IQSEC1: variants seen among roughly 807,000 people sequenced by gnomAD.
The protein encoded by IQSEC1 is IQ motif and Sec7 domain ArfGEF 1.
In IQSEC1, 31 loss-of-function variants were observed where a neutral mutation model predicts 91.0. That is an observed-to-expected ratio of 0.34 (90% confidence interval 0.26 to 0.46). The LOEUF is 0.46. IQSEC1 is among the 20% of genes least tolerant of loss of function. IQSEC1 has a pLI of 1.00. For synonymous variants in IQSEC1, 699 were observed against 662.6 expected, an observed-to-expected ratio of 1.05 and a Z score of -0.84; for missense variants, 1,388 against 1,575.6, an observed-to-expected ratio of 0.88 and a Z score of 2.02.
chr3:13,023,689 C>G (rs768897143), intron 1 of IQSEC1, among the ~76,000 whole-genome samples: 30 of 152,230 alleles, frequency 2.0e-4, no homozygotes, highest in Non-Finnish European at 4.4e-5. Context: ...ATTCCCACAT[C>G]AAGGATTAGC....
intron 1 of IQSEC1, among the ~76,000 whole-genome samples, chr3:12,965,996 T>C (rs1700537227): frequency 6.6e-6 from 1 of 152,214 alleles, no homozygotes. Flanking sequence ...CAAGACTGAA[T>C]GCTCAGCCTC....
intron 1 of IQSEC1, among the ~76,000 whole-genome samples, chr3:13,048,108 T>A (rs1336041937): frequency 6.6e-6 from 1 of 152,120 alleles, no homozygotes; most frequent in African/African-American, 2.4e-5. Context: ...TAGGATCACA[T>A]CCCACCTCCA....
rs1696679953 is a variant in IQSEC1, at chr3:12,922,051, C to T, written c.1853+69G>A. 6.7e-7 allele frequency: 1 copy of T among 1,493,240 alleles called. No homozygotes were observed. Among genetic ancestry groups the T allele is most frequent in the South Asian group, 1.3e-5 (1 of 75,958 alleles). The allele number at this position is 1,493,240 out of a possible 1,614,324, so 92.5% of individuals were successfully genotyped here. A position where few individuals can be genotyped will look rare whatever the true frequency, so the allele number is the denominator to read the frequency against. ...GGTGGGGATGCAGTCTTTGGTCCAT[C>T]CTCGGGCCCTGAAGCTGGGGGACAC... On this transcript the variant is annotated intron_variant, in intron 5 of 13. Transcript: ENST00000613206. This position sits in a 1 kb window ranked among gnomAD's most constrained non-coding sequence, Gnocchi z 5.1.
chr3:12,974,108 T>C, intron 1 of IQSEC1, among the ~76,000 whole-genome samples: 1 of 152,210 alleles, frequency 6.6e-6, no homozygotes, highest in East Asian at 1.9e-4. Flanking sequence ...CCACTGCAGC[T>C]AGGCCACAGT....
At chr3:13,267,883 C>G (rs971520567) in intron 1 of IQSEC1, among the ~76,000 whole-genome samples, 2 of 152,084 alleles carry the variant, frequency 1.3e-5, no homozygotes, top group African/African-American at 4.8e-5. Context: ...TCCCAAAGTG[C>G]TAGGATTACA....
chr3:13,033,967 G>A (rs1156484096), intron 1 of IQSEC1, among the ~76,000 whole-genome samples: 4 of 152,214 alleles, frequency 2.6e-5, no homozygotes, highest in Non-Finnish European at 5.9e-5. Flanking sequence ...TGTTCCCGCT[G>A]TTGGTGGCCC....
intron 1 of IQSEC1, among the ~76,000 whole-genome samples, chr3:13,062,446 C>T (rs1705097049): frequency 1.3e-5 from 2 of 152,202 alleles, no homozygotes; most frequent in African/African-American, 2.4e-5. Flanking sequence ...TGCCCCAAGT[C>T]ACACAGACAC....
chr3:13,060,407 G>A (rs997674070), intron 1 of IQSEC1, among the ~76,000 whole-genome samples: 2 of 152,176 alleles, frequency 1.3e-5, no homozygotes, highest in South Asian at 2.1e-4. Context: ...GGGACCTTAC[G>A]GCTGGATCCG....
chr3:13,263,439 G>GGGGGA (rs1553581065), intron 1 of IQSEC1, among the ~76,000 whole-genome samples: 2 of 107,190 alleles, frequency 1.9e-5, no homozygotes, highest in Admixed American at 1.1e-4. Flanking sequence ...GGGGGGGGGG[G>GGGGGA]AAAGTACCTG....
intron 1 of IQSEC1, among the ~76,000 whole-genome samples, chr3:13,256,927 C>T (rs1453886975): frequency 1.3e-5 from 2 of 152,144 alleles, no homozygotes; most frequent in Non-Finnish European, 2.9e-5. Context: ...CCCTGCTCCC[C>T]AACCCAAAAA....
intron 1 of IQSEC1, among the ~76,000 whole-genome samples, chr3:13,041,297 A>G (rs1006936175): frequency 6.6e-6 from 1 of 152,046 alleles, no homozygotes; most frequent in African/African-American, 2.4e-5. Context: ...TGTGGCTTGC[A>G]CTAATCAGAC....
intron 1 of IQSEC1, among the ~76,000 whole-genome samples, chr3:13,170,470 G>C (rs1042545600): frequency 6.6e-6 from 1 of 152,212 alleles, no homozygotes; most frequent in Non-Finnish European, 1.5e-5. Flanking sequence ...CCGTCCTCCA[G>C]ACCCCAGAAT....
intron 12 of IQSEC1, among the ~76,000 whole-genome samples, chr3:12,907,831 C>A (rs925045837): frequency 6.6e-6 from 1 of 152,346 alleles, no homozygotes; most frequent in East Asian, 1.9e-4. Flanking sequence ...CCGGAGCCAG[C>A]CCTGGCTGCT....
At chr3:13,223,602 C>T (rs1694699111) in intron 1 of IQSEC1, among the ~76,000 whole-genome samples, 1 of 152,220 alleles carries the variant, frequency 6.6e-6, no homozygotes, top group Non-Finnish European at 1.5e-5. Context: ...CCTCCCAGGT[C>T]CTCGCGCGCC....
intron 1 of IQSEC1, among the ~76,000 whole-genome samples, chr3:13,261,750 A>T (rs1474292582): frequency 6.6e-6 from 1 of 152,094 alleles, no homozygotes; most frequent in African/African-American, 2.4e-5. Flanking sequence ...TTGACAACAT[A>T]CCCGTGAAAT....
At position 12,901,145 on chromosome 3, in the gene IQSEC1, G is replaced by T; in HGVS notation, c.3183C>A (p.Gly1061=). The T allele has an allele frequency of 6.5e-7, 1 of 1,543,874 alleles. No individual in the cohort carries two copies. Among genetic ancestry groups the T allele is most frequent in the Non-Finnish European group, 8.7e-7 (1 of 1,145,856 alleles). ...CGTAGGCTGGGTGGCCCCCATGGGG[G>T]CCGTGGTGGTACTGGTGTGCGTGCT... The part of the protein sequence containing the change: ...HIQHAHQYHH[G]PHGGHPAYGA... Residue 1061 remains glycine, a synonymous_variant, in exon 14 of 14, where the codon GGC becomes GGA. Coordinates refer to ENST00000613206, the MANE Select transcript of IQSEC1 (RefSeq NM_001134382.3).
At chr3:13,089,033 T>C (rs1576244512) in intron 2 of IQSEC1, among the ~76,000 whole-genome samples, 1 of 152,344 alleles carries the variant, frequency 6.6e-6, no homozygotes, top group Middle Eastern at 3.4e-3. Flanking sequence ...AAGATTTCAG[T>C]ATTGTAACGA....
In IQSEC1 at chr3:12,941,797, C is replaced by A; in HGVS notation, c.92G>T (p.Gly31Val). The change falls in exon 2 of 14, where the codon GGC becomes GTC. Residue 31 changes from glycine to valine, a missense_variant. Physicochemically the swap from Gly to Val is moderately radical, Grantham distance 109. This residue lies in a region of IQSEC1 where 1,059 missense variants were observed against 1,317.8 expected (regional missense o/e 0.80). Coordinates refer to ENST00000613206, the MANE Select transcript of IQSEC1 (RefSeq NM_001134382.3). ...SLDSPSAYPQ[G>V]PLVPGSSLSP... ...CAGGCTGGAACCGGGCACCAAGGGG[C>A]CCTGGGGGTAGGCTGAGGGGCTGTC... 2 of 1,611,102 alleles carry A rather than the reference C, an allele frequency of 1.2e-6. No homozygotes were observed. Among genetic ancestry groups the A allele is most frequent in the Non-Finnish European group, 1.7e-6 (2 of 1,179,572 alleles).
chr3:13,171,668 C>G (rs1693617879), intron 1 of IQSEC1, among the ~76,000 whole-genome samples: 1 of 152,214 alleles, frequency 6.6e-6, no homozygotes, highest in Non-Finnish European at 1.5e-5. Context: ...GATTTAGACA[C>G]TTGTTATGCA....
Sources: gnomAD v4.1 joint callset for allele counts (sites outside exome capture counted in the v4.1 genomes callset) on GRCh38, gnomAD v4.1.1 for gene constraint, gnomAD v4.1.1 regional missense constraint, Gnocchi (gnomAD v3.1) non-coding constraint, MANE v1.5 for transcripts, NCBI Gene and HGNC (gene_info 2026-07-23, HGNC 2026-07-21) for gene names.